The following SLC10A7 variants were observed in gnomAD, a reference collection of about 807,000 sequenced individuals.
SLC10A7 encodes sodium/bile acid cotransporter 7.
A neutral mutation model predicts 43.2 loss-of-function variants in SLC10A7; 29 were observed. The observed-to-expected ratio is 0.67, with a 90% CI of 0.50 to 0.92. The LOEUF (loss-of-function observed/expected upper bound fraction) is 0.92, where lower values mean the gene tolerates loss of function less well. Ranked by LOEUF, SLC10A7 falls within the 40% of genes least tolerant of loss-of-function variation. The pLI is 0.00. For missense variants in SLC10A7, 295 were observed against 403.2 expected (o/e 0.73, Z 2.30); for synonymous variants, 152 against 144.8 (o/e 1.05, Z -0.35).
At chr4:146,379,994 T>A (rs1404468522) in intron 5 of SLC10A7, among the ~76,000 whole-genome samples, 5 of 151,666 alleles carry the variant, frequency 3.3e-5, no homozygotes. Context: ...CGTGTGTGTA[T>A]GCAAGAATAT....
At chr4:146,472,955 T>C (rs941358618) in intron 4 of SLC10A7, among the ~76,000 whole-genome samples, 20 of 152,164 alleles carry the variant, frequency 1.3e-4, no homozygotes, top group African/African-American at 4.6e-4. Context: ...AAAGCCCAAG[T>C]TGGTAAAAAG....
intron 4 of SLC10A7, among the ~76,000 whole-genome samples, chr4:146,467,279 T>C (rs747664483): frequency 1.3e-5 from 2 of 152,146 alleles, no homozygotes; most frequent in African/African-American, 2.4e-5. Flanking sequence ...GTTCTGCCTT[T>C]CACTCCCTTC....
chr4:146,277,679 A>G (rs1366617515), intron 10 of SLC10A7, among the ~76,000 whole-genome samples: 1 of 152,180 alleles, frequency 6.6e-6, no homozygotes, highest in African/African-American at 2.4e-5. Context: ...CTCCAAAGAT[A>G]GTCTTCTATT....
intron 2 of SLC10A7, among the ~76,000 whole-genome samples, chr4:146,515,416 G>GA (rs1185946804): frequency 6.6e-6 from 1 of 152,084 alleles, no homozygotes; most frequent in Non-Finnish European, 1.5e-5. Flanking sequence ...TATGTTGACA[G>GA]AAAAAAAGCC....
At chr4:146,321,944 A>G (rs763810568) in intron 6 of SLC10A7, among the ~76,000 whole-genome samples, 11 of 152,206 alleles carry the variant, frequency 7.2e-5, no homozygotes, top group African/African-American at 1.9e-4. Context: ...TCAAAATACC[A>G]TAAGTATCTA....
Position 146,256,198 on chromosome 4 carries a change from T to C in SLC10A7, c.*293A>G, listed in dbSNP as rs912315807. 37 of 440,030 alleles carry C rather than the reference T, an allele frequency of 8.4e-5. No individual in the cohort carries two copies. The highest frequency in any genetic ancestry group is 1.2e-4 in the Non-Finnish European group (30 of 241,434). The allele number at this position is 440,030 out of a possible 1,614,324, so 27.3% of individuals were successfully genotyped here. A position where few individuals can be genotyped will look rare whatever the true frequency, so the allele number is the denominator to read the frequency against. On this transcript the variant is annotated 3_prime_UTR_variant, in exon 12 of 12. Coordinates refer to ENST00000335472, the MANE Select transcript of SLC10A7 (RefSeq NM_001029998.6). The stretch of plus-strand genomic sequence containing the variant: ...ACTATAGGGTTGTATTGCACAAAGG[T>C]GCTGCAGGGAAAGCATGTTTGCTTT...
At chr4:146,325,233 T>C (rs551997043) in intron 6 of SLC10A7, among the ~76,000 whole-genome samples, 1 of 152,332 alleles carries the variant, frequency 6.6e-6, no homozygotes, top group Non-Finnish European at 1.5e-5. Context: ...TATGAAAAGA[T>C]GCACAGTTCA....
At chr4:146,404,279 C>A (rs1739421554) in intron 5 of SLC10A7, among the ~76,000 whole-genome samples, 1 of 152,164 alleles carries the variant, frequency 6.6e-6, no homozygotes. Flanking sequence ...CTCGGCCGCC[C>A]AAAGTGCTGA....
chr4:146,305,717 C>T (rs1731521167), intron 7 of SLC10A7, among the ~76,000 whole-genome samples: 1 of 151,726 alleles, frequency 6.6e-6, no homozygotes, highest in South Asian at 2.1e-4. Context: ...CCAGGGGTGC[C>T]TATATACAGC....
At chr4:146,358,424 T>C (rs1267940582) in intron 5 of SLC10A7, among the ~76,000 whole-genome samples, 1 of 152,174 alleles carries the variant, frequency 6.6e-6, no homozygotes, top group African/African-American at 2.4e-5. Flanking sequence ...TATAAAATTT[T>C]ACATATATGT....
chr4:146,293,963 C>T lies in SLC10A7; in HGVS notation c.688G>A (p.Asp230Asn). 6.2e-7 allele frequency: 1 copy of T among 1,613,054 alleles called. No homozygotes were observed. Among genetic ancestry groups the T allele is most frequent in the Non-Finnish European group, 8.5e-7 (1 of 1,179,314 alleles). ...DTFSNPNIDL[D>N]KFSLVLILFI... Reference sequence around the variant, plus strand: ...AGTATGAGAACAAGGCTGAATTTATCCAGGTCAATATTTGGGTTAGAGAAC... The same window carrying T: ...AGTATGAGAACAAGGCTGAATTTATTCAGGTCAATATTTGGGTTAGAGAAC... Residue 230 changes from aspartate (D) to asparagine (N), a missense_variant, in exon 8 of 12, where the codon GAT becomes AAT. This residue lies in a region of SLC10A7 where 242 missense variants were observed against 362.5 expected (regional missense o/e 0.67). Coordinates refer to ENST00000335472, the MANE Select transcript of SLC10A7 (RefSeq NM_001029998.6).
chr4:146,488,501 A>G (rs749125714), intron 4 of SLC10A7, among the ~76,000 whole-genome samples: 1 of 152,168 alleles, frequency 6.6e-6, no homozygotes, highest in Non-Finnish European at 1.5e-5. Flanking sequence ...TAAGGAGGGA[A>G]AAAAAATGAC....
At chr4:146,278,693 G>T (rs993351972) in intron 10 of SLC10A7, among the ~76,000 whole-genome samples, 4 of 152,144 alleles carry the variant, frequency 2.6e-5, no homozygotes, top group Non-Finnish European at 5.9e-5. Flanking sequence ...TCATAGAGCA[G>T]AAATATCAGT....
chr4:146,329,479 C>A (rs907741097), intron 5 of SLC10A7, among the ~76,000 whole-genome samples: 2 of 152,148 alleles, frequency 1.3e-5, no homozygotes, highest in Non-Finnish European at 2.9e-5. Context: ...ATTATATTAT[C>A]CCATCTACTA....
At chr4:146,280,766 A>C (rs1456017026) in intron 10 of SLC10A7, among the ~76,000 whole-genome samples, 2 of 152,088 alleles carry the variant, frequency 1.3e-5, no homozygotes, top group African/African-American at 4.8e-5. Flanking sequence ...GAGATAAGGG[A>C]AGCAGCAAAG....
Position 146,255,503 on chromosome 4 carries a change from T to A in SLC10A7, c.*988A>T, listed in dbSNP as rs1229030888. ...AATCTGCCAAGGAAATTTTCATTAATAAATTGTCTCAAATACCTTAAGTGT... is the reference window on the plus strand; with the variant it reads ...AATCTGCCAAGGAAATTTTCATTAAAAAATTGTCTCAAATACCTTAAGTGT... On this transcript the variant is annotated 3_prime_UTR_variant, in exon 12 of 12. Coordinates refer to ENST00000335472, the MANE Select transcript of SLC10A7 (RefSeq NM_001029998.6). 6.6e-6 allele frequency: 1 copy of A among 152,654 alleles called. No individual in the cohort carries two copies. Among genetic ancestry groups the A allele is most frequent in the Admixed American group, 6.5e-5 (1 of 15,288 alleles). 9.5% of individuals were successfully genotyped at this position (152,654 alleles called of 1,614,324 possible).
intron 5 of SLC10A7, among the ~76,000 whole-genome samples, chr4:146,395,870 T>C (rs183284662): frequency 1.3e-5 from 2 of 152,314 alleles, no homozygotes; most frequent in Admixed American, 1.3e-4. Context: ...TGTTTTTCTT[T>C]GTTCAGTTTG....
chr4:146,308,301 A>T (rs1361962958), intron 6 of SLC10A7, among the ~76,000 whole-genome samples: 1 of 152,172 alleles, frequency 6.6e-6, no homozygotes, highest in Non-Finnish European at 1.5e-5. Context: ...CTAATTTGGC[A>T]TAAGTCCTTT....
At chr4:146,365,570 A>T (rs1257995141) in intron 5 of SLC10A7, among the ~76,000 whole-genome samples, 3 of 152,230 alleles carry the variant, frequency 2.0e-5, no homozygotes, top group African/African-American at 7.2e-5. Context: ...ACAATGCTTC[A>T]ATATTACTAC....
Sources: allele counts gnomAD v4.1 joint callset (sites outside exome capture counted in the v4.1 genomes callset), GRCh38; gene constraint gnomAD v4.1.1; regional missense constraint gnomAD v4.1.1; transcripts MANE v1.5; gene names NCBI Gene and HGNC (gene_info 2026-07-23, HGNC 2026-07-21).